Variants in TSPAN18 observed in about 807,000 individuals in gnomAD.
TSPAN18 encodes tetraspanin 18, also known as tetraspanin-18.
In TSPAN18, 14 loss-of-function variants were observed where a neutral mutation model predicts 27.3. The observed-to-expected ratio is 0.51, with a 90% CI of 0.34 to 0.80. TSPAN18 has a LOEUF of 0.80. TSPAN18 is among the 30% of genes least tolerant of loss of function. TSPAN18 has a pLI of 0.01. For missense variants in TSPAN18, 268 were observed against 323.9 expected (o/e 0.83, Z 1.32); for synonymous variants, 143 against 136.5 (o/e 1.05, Z -0.33).
chr11:44,732,903 A>T (rs139209460), intron 1 of TSPAN18, among the ~76,000 whole-genome samples: 71 of 152,298 alleles, frequency 4.7e-4, no homozygotes, highest in African/African-American at 1.6e-3. Flanking sequence ...TACTTGTCTA[A>T]TATGGGTCTC....
intron 1 of TSPAN18, among the ~76,000 whole-genome samples, chr11:44,751,555 G>A (rs1192464337): frequency 2.6e-5 from 4 of 152,148 alleles, no homozygotes; most frequent in African/African-American, 4.8e-5. Context: ...TTACTTTAGG[G>A]CATCTTAGAA....
At chr11:44,761,383 C>T (rs186980297) in intron 1 of TSPAN18, among the ~76,000 whole-genome samples, 6 of 152,304 alleles carry the variant, frequency 3.9e-5, no homozygotes, top group Middle Eastern at 3.4e-3. Flanking sequence ...TGACTCCCCT[C>T]CCCCGCAGAG....
chr11:44,861,793 TCACA>T (rs56816197), intron 3 of TSPAN18, among the ~76,000 whole-genome samples: 7,354 of 131,964 alleles, frequency 0.056, 297 homozygotes, highest in East Asian at 0.12. Flanking sequence ...AGCCCAAATT[TCACA>T]CACACACACA....
At chr11:44,917,731 A>G in intron 5 of TSPAN18, 2 of 553,944 alleles carry the variant, frequency 3.6e-6, no homozygotes, top group East Asian at 3.0e-5. Flanking sequence ...TAAGGGTACC[A>G]TTTGCATGGA....
At chr11:44,726,454 A>T (rs1854503515), upstream of TSPAN18, 1 of 152,210 alleles carries the variant, frequency 6.6e-6, no homozygotes, top group Non-Finnish European at 1.5e-5. Flanking sequence ...CCCTCCATGC[A>T]GGAAGTCCCC....
chr11:44,871,655 C>A (rs574294562), intron 3 of TSPAN18, among the ~76,000 whole-genome samples: 6 of 152,194 alleles, frequency 3.9e-5, no homozygotes, highest in South Asian at 2.1e-4. Flanking sequence ...ATACCACCAG[C>A]CTTCAGGATG....
chr11:44,883,218 G>A (rs773469800), intron 3 of TSPAN18, among the ~76,000 whole-genome samples: 2 of 152,206 alleles, frequency 1.3e-5, no homozygotes, highest in Admixed American at 6.5e-5. Flanking sequence ...CACGGATTGG[G>A]CTATATGTAC....
At chr11:44,928,951 T>G (rs1056528228) in intron 9 of TSPAN18, among the ~76,000 whole-genome samples, 180 bp from the exon 10 acceptor site, 1 of 152,060 alleles carries the variant, frequency 6.6e-6, no homozygotes, top group Non-Finnish European at 1.5e-5. Context: ...CTCCACCACA[T>G]AAAGGAAGCC....
intron 2 of TSPAN18, among the ~76,000 whole-genome samples, chr11:44,784,757 A>C (rs901690537): frequency 2.0e-5 from 3 of 152,160 alleles, no homozygotes; most frequent in African/African-American, 4.8e-5. Context: ...AACCACCGGC[A>C]AGGTAGACAG....
chr11:44,829,113 C>T lies in TSPAN18; in HGVS notation c.-152-31215C>T, dbSNP rs181743955. ...CAGAGAGACTCCCCTTACCCAGGCA[C>T]ACACATGGTTTCCCTGATATTTACA... On this transcript the variant is annotated intron_variant, in intron 2 of 9. Coordinates refer to ENST00000520358, the MANE Select transcript of TSPAN18 (RefSeq NM_130783.5). Among the ~76,000 whole-genome samples the T allele has an allele frequency of 9.4e-4, 143 of 152,338 alleles. 1 individual carries two copies. The highest frequency in any genetic ancestry group is 1.5e-3 in the Non-Finnish European group (100 of 68,034).
At chr11:44,821,836 T>C (rs969514530) in intron 2 of TSPAN18, among the ~76,000 whole-genome samples, 4 of 152,228 alleles carry the variant, frequency 2.6e-5, no homozygotes, top group Non-Finnish European at 5.9e-5. Flanking sequence ...AGGAATCAGG[T>C]CTGTGGACAG....
chr11:44,805,471 T>G (rs187040727), intron 2 of TSPAN18, among the ~76,000 whole-genome samples: 28 of 152,320 alleles, frequency 1.8e-4, no homozygotes, highest in Admixed American at 1.4e-3. Flanking sequence ...CTGGCTCCAG[T>G]TTCCAGGAAG....
At chr11:44,769,400 A>G (rs187048735) in intron 2 of TSPAN18, among the ~76,000 whole-genome samples, 1 of 152,220 alleles carries the variant, frequency 6.6e-6, no homozygotes, top group Non-Finnish European at 1.5e-5. Context: ...CAGCATAATG[A>G]TGGCCTCACA....
chr11:44,806,251 T>G (rs558019917), intron 2 of TSPAN18, among the ~76,000 whole-genome samples: 72 of 152,214 alleles, frequency 4.7e-4, no homozygotes, highest in South Asian at 4.4e-3. Context: ...GCCAGGCCGC[T>G]CTCAAACTCC....
At position 44,741,178 on chromosome 11, in the gene TSPAN18, T is replaced by C. The variant is rs186216986; in HGVS notation, c.-240+13891T>C. 1.5e-3 allele frequency among the ~76,000 whole-genome samples: 231 copies of C among 152,260 alleles called. 1 individual carries two copies. Among genetic ancestry groups the C allele is most frequent in the African/African-American group, 5.3e-3 (219 of 41,566 alleles). ...GAAATGGGGATGTTGTTTAAATAAA[T>C]TAAGAGCCAAAGAGGACAATCCGTG... On this transcript the variant is annotated intron_variant, in intron 1 of 9. Coordinates refer to ENST00000520358, the MANE Select transcript of TSPAN18 (RefSeq NM_130783.5).
chr11:44,744,555 T>C (rs777159792), intron 1 of TSPAN18, among the ~76,000 whole-genome samples: 2 of 152,190 alleles, frequency 1.3e-5, no homozygotes, highest in Non-Finnish European at 2.9e-5. Context: ...GACAAGGCAG[T>C]ACCCCTCTCC....
intron 2 of TSPAN18, among the ~76,000 whole-genome samples, chr11:44,842,283 C>T (rs1232226066): frequency 1.3e-5 from 2 of 152,208 alleles, no homozygotes; most frequent in Non-Finnish European, 1.5e-5. Flanking sequence ...TCCCTTCATG[C>T]CAAAGAAACA....
At chr11:44,911,236 G>A (rs1359882843) in intron 5 of TSPAN18, among the ~76,000 whole-genome samples, 3 of 152,178 alleles carry the variant, frequency 2.0e-5, no homozygotes, top group Admixed American at 2.0e-4. Flanking sequence ...ATGACAGGGA[G>A]AACTGGGCTG....
At chr11:44,837,655 TC>T (rs1291151037) in intron 2 of TSPAN18, among the ~76,000 whole-genome samples, 1 of 152,198 alleles carries the variant, frequency 6.6e-6, no homozygotes, top group African/African-American at 2.4e-5. Context: ...GTGGCAAACT[TC>T]ACCATCTTAT....
Sources: gnomAD v4.1 joint callset for allele counts (sites outside exome capture counted in the v4.1 genomes callset) on GRCh38, gnomAD v4.1.1 for gene constraint, MANE v1.5 for transcripts, NCBI Gene and HGNC (gene_info 2026-07-23, HGNC 2026-07-21) for gene names.